Variants in UNC5C observed in about 807,000 individuals in gnomAD.
UNC5C encodes the protein netrin receptor UNC5C.
A neutral mutation model predicts 99.8 loss-of-function variants in UNC5C; 47 were observed. The ratio of observed to expected loss-of-function variants is 0.47; its 90% CI spans 0.37 to 0.60. The LOEUF is 0.60. Among genes scored for constraint, UNC5C ranks in the 20% least tolerant of loss-of-function variants. The probability of loss-of-function intolerance (pLI) is 0.00; values close to 1 mark genes in which losing one functional copy is unlikely to be tolerated. For missense variants in UNC5C, 1,062 were observed against 1,165.9 expected, an observed-to-expected ratio of 0.91 and a Z score of 1.30; for synonymous variants, 487 against 452.2, an observed-to-expected ratio of 1.08 and a Z score of -0.98.
intron 1 of UNC5C, among the ~76,000 whole-genome samples, chr4:95,460,889 G>C (rs1747581766): frequency 6.6e-6 from 1 of 152,150 alleles, no homozygotes; most frequent in Non-Finnish European, 1.5e-5. Flanking sequence ...TATATCAGGA[G>C]GAAGCCATCA....
intron 1 of UNC5C, among the ~76,000 whole-genome samples, chr4:95,478,027 A>T (rs1720996406): frequency 6.6e-6 from 1 of 151,996 alleles, no homozygotes; most frequent in South Asian, 2.1e-4. Flanking sequence ...GTACTCAACA[A>T]AATGTTATGA....
At chr4:95,241,087 T>C (rs760840823) in intron 7 of UNC5C, among the ~76,000 whole-genome samples, 3 of 151,958 alleles carry the variant, frequency 2.0e-5, no homozygotes, top group Non-Finnish European at 2.9e-5. Flanking sequence ...AAAGGAAAAA[T>C]ACTAAGTGAT....
intron 1 of UNC5C, among the ~76,000 whole-genome samples, chr4:95,425,791 G>T (rs988101845): frequency 1.3e-5 from 2 of 152,126 alleles, no homozygotes; most frequent in African/African-American, 2.4e-5. Context: ...ATTAAAGTTT[G>T]ATCTAGAGAT....
intron 1 of UNC5C, among the ~76,000 whole-genome samples, chr4:95,502,579 T>G (rs560859110): frequency 6.6e-6 from 1 of 152,254 alleles, no homozygotes; most frequent in African/African-American, 2.4e-5. Flanking sequence ...TTTTTTGACT[T>G]ATATGGACAA....
At chr4:95,489,512 G>A (rs1296998075) in intron 1 of UNC5C, among the ~76,000 whole-genome samples, 2 of 151,752 alleles carry the variant, frequency 1.3e-5, no homozygotes, top group Non-Finnish European at 2.9e-5. Context: ...TACTATAGAT[G>A]TTAAAAGCCC....
intron 1 of UNC5C, among the ~76,000 whole-genome samples, chr4:95,422,304 AG>A (rs1450549795): frequency 6.6e-6 from 1 of 152,254 alleles, no homozygotes; most frequent in African/African-American, 2.4e-5. Context: ...GGAAAAGAGT[AG>A]GCTGTAGACA....
At chr4:95,469,952 G>T (rs901323614) in intron 1 of UNC5C, among the ~76,000 whole-genome samples, 4 of 152,072 alleles carry the variant, frequency 2.6e-5, no homozygotes, top group Admixed American at 2.0e-4. Context: ...ACAGGAGGTG[G>T]CTACACCATT....
At chr4:95,514,371 T>A (rs1198779459) in intron 1 of UNC5C, among the ~76,000 whole-genome samples, 2 of 152,070 alleles carry the variant, frequency 1.3e-5, no homozygotes, top group African/African-American at 4.8e-5. Context: ...GAGATGTGGG[T>A]GAACTTGGTA....
intron 1 of UNC5C, among the ~76,000 whole-genome samples, chr4:95,510,539 C>G (rs1288116366): frequency 2.0e-5 from 3 of 152,024 alleles, no homozygotes; most frequent in Non-Finnish European, 4.4e-5. Flanking sequence ...TACTAGTTCT[C>G]TCTTCATATA....
chr4:95,239,505 C>G (rs1739250695), intron 7 of UNC5C, among the ~76,000 whole-genome samples: 1 of 152,090 alleles, frequency 6.6e-6, no homozygotes, highest in African/African-American at 2.4e-5. Flanking sequence ...AAACTGAAAC[C>G]CTGATTTCCA....
intron 1 of UNC5C, among the ~76,000 whole-genome samples, chr4:95,384,826 G>A (rs75613818): frequency 0.014 from 2,055 of 152,202 alleles, 19 homozygotes; most frequent in Non-Finnish European, 0.02. Context: ...TCGGAGAAGA[G>A]GGAACAAAAT....
chr4:95,302,282 G>A (rs948309720), intron 2 of UNC5C, among the ~76,000 whole-genome samples: 1 of 152,166 alleles, frequency 6.6e-6, no homozygotes, highest in African/African-American at 2.4e-5. Flanking sequence ...CGTATCCGAA[G>A]AATATATAAC....
chr4:95,490,853 T>C (rs1721463754), intron 1 of UNC5C, among the ~76,000 whole-genome samples: 1 of 151,736 alleles, frequency 6.6e-6, no homozygotes, highest in Non-Finnish European at 1.5e-5. Flanking sequence ...TATCAAGTTA[T>C]TATATAGCCA....
At chr4:95,280,377 A>G (rs1741012484) in intron 3 of UNC5C, among the ~76,000 whole-genome samples, 1 of 152,162 alleles carries the variant, frequency 6.6e-6, no homozygotes, top group Non-Finnish European at 1.5e-5. Flanking sequence ...TTGTCAAGAC[A>G]TTGAATATAT....
At chr4:95,445,334 C>CT (rs11458322) in intron 1 of UNC5C, among the ~76,000 whole-genome samples, 102,622 of 149,800 alleles carry the variant, frequency 0.69, 35,252 homozygotes, top group Admixed American at 0.72. Flanking sequence ...AGAAATGAAT[C>CT]TTTTTTTTTT....
chr4:95,177,109 G>A (rs1401861224), intron 14 of UNC5C, among the ~76,000 whole-genome samples: 2 of 152,112 alleles, frequency 1.3e-5, no homozygotes, highest in South Asian at 2.1e-4. Flanking sequence ...GCTCACGCAC[G>A]GTGCGCGCAC....
Position 95,412,975 on chromosome 4 carries a change from C to T in UNC5C, c.125-77344G>A, listed in dbSNP as rs549060149. Among the ~76,000 whole-genome samples the T allele has an allele frequency of 9.2e-5, 14 of 152,262 alleles. No individual in the cohort carries two copies. The East Asian group carries it at 1.9e-3, about 21-fold the overall frequency. ...CATCTACATACCCAGGATTCTCTCT[C>T]GACTTCCTTCACTTCTGCGAATTGA... On this transcript the variant is annotated intron_variant, in intron 1 of 15. Coordinates refer to ENST00000453304, the MANE Select transcript of UNC5C (RefSeq NM_003728.4).
At chr4:95,539,879 C>T (rs976011389) in intron 1 of UNC5C, among the ~76,000 whole-genome samples, 5 of 151,476 alleles carry the variant, frequency 3.3e-5, no homozygotes, top group East Asian at 1.9e-4. Context: ...CCCTTGCTAC[C>T]GGGAAAACAT....
At chr4:95,367,264 G>A (rs1342046407) in intron 1 of UNC5C, among the ~76,000 whole-genome samples, 2 of 150,928 alleles carry the variant, frequency 1.3e-5, no homozygotes, top group Admixed American at 1.3e-4. Context: ...CACTTTCTGG[G>A]CTCAAGTGAT....
Sources: allele counts gnomAD v4.1 joint callset (sites outside exome capture counted in the v4.1 genomes callset), GRCh38; gene constraint gnomAD v4.1.1; transcripts MANE v1.5; gene names NCBI Gene and HGNC (gene_info 2026-07-23, HGNC 2026-07-21).